TENM2: variants seen among roughly 807,000 people sequenced by gnomAD.
TENM2 encodes teneurin transmembrane protein 2.
TENM2 carries 52 observed loss-of-function variants against 245.2 expected under a neutral mutation model. The ratio of observed to expected loss-of-function variants is 0.21; its 90% CI spans 0.17 to 0.27. The LOEUF (loss-of-function observed/expected upper bound fraction) is 0.27, where lower values mean the gene tolerates loss of function less well. TENM2 is among the 10% of genes least tolerant of loss of function. The probability of loss-of-function intolerance (pLI) is 1.00; values close to 1 mark genes in which losing one functional copy is unlikely to be tolerated. For missense variants in TENM2, 3,046 were observed against 3,666.8 expected (o/e 0.83, Z 4.37); for synonymous variants, 1,363 against 1,438.9 (o/e 0.95, Z 1.19).
intron 25 of TENM2, among the ~76,000 whole-genome samples, chr5:168,240,062 A>T (rs970164775): frequency 1.3e-5 from 2 of 152,196 alleles, no homozygotes; most frequent in African/African-American, 4.8e-5. Context: ...TACTAAAAAA[A>T]TGTAAAAATT....
intron 2 of TENM2, among the ~76,000 whole-genome samples, chr5:167,515,668 T>TATACA: frequency 2.8e-5 from 1 of 35,630 alleles, no homozygotes; most frequent in Admixed American, 2.3e-4. Context: ...TACGTATATA[T>TATACA]GTGTATATAT....
At position 167,932,814 on chromosome 5, in the gene TENM2, G is replaced by A. The variant is rs904254086; in HGVS notation, c.713-19774G>A. Among the ~76,000 whole-genome samples the A allele has an allele frequency of 4.6e-5, 7 of 152,010 alleles. No homozygotes were observed. The East Asian group carries it at 7.7e-4, about 17-fold the overall frequency. On this transcript the variant is annotated intron_variant, in intron 3 of 28. Transcript: ENST00000518659. The stretch of plus-strand genomic sequence containing the variant: ...ATGTATAAAACATTCTTAGCTCGGC[G>A]GCTGAATGTGGTCCGTGGCCATCGT...
intron 2 of TENM2, among the ~76,000 whole-genome samples, chr5:167,404,435 A>G (rs746885422): frequency 2.6e-5 from 4 of 152,146 alleles, no homozygotes; most frequent in Non-Finnish European, 5.9e-5. Flanking sequence ...TGACTATCAC[A>G]TGGGTCTCAT....
chr5:167,970,511 T>C (rs929870297), intron 4 of TENM2, among the ~76,000 whole-genome samples: 4 of 152,170 alleles, frequency 2.6e-5, no homozygotes, highest in Admixed American at 2.6e-4. Context: ...AGAAGCAGTT[T>C]TGCCTTATCA....
intron 2 of TENM2, among the ~76,000 whole-genome samples, chr5:167,377,166 A>C (rs1760802704): frequency 6.6e-6 from 1 of 152,194 alleles, no homozygotes. Flanking sequence ...TTATGGATGA[A>C]AAAAATCTGA....
chr5:167,488,962 C>T (rs1198825056), intron 2 of TENM2, among the ~76,000 whole-genome samples: 1 of 152,144 alleles, frequency 6.6e-6, no homozygotes, highest in Admixed American at 6.5e-5. Context: ...CTGCCTGCCA[C>T]CACTTCATAT....
At chr5:168,188,797 A>G (rs1458316122) in intron 13 of TENM2, among the ~76,000 whole-genome samples, 1 of 151,700 alleles carries the variant, frequency 6.6e-6, no homozygotes, top group African/African-American at 2.4e-5. Flanking sequence ...CTCCCTGGGG[A>G]GATGTGGGGT....
At chr5:167,551,574 A>G (rs1360807307) in intron 2 of TENM2, among the ~76,000 whole-genome samples, 2 of 152,144 alleles carry the variant, frequency 1.3e-5, no homozygotes, top group Non-Finnish European at 2.9e-5. Context: ...CACTTAACCA[A>G]TCTCTCTATA....
intron 1 of TENM2, among the ~76,000 whole-genome samples, chr5:167,321,782 CTTA>C (rs1469723442): frequency 1.7e-5 from 1 of 59,738 alleles, no homozygotes. Context: ...GCTGCCTTGG[CTTA>C]TTTTTTTTTT....
intron 9 of TENM2, among the ~76,000 whole-genome samples, chr5:168,104,606 C>G (rs1042623714): frequency 3.3e-5 from 5 of 152,204 alleles, no homozygotes; most frequent in Admixed American, 2.6e-4. Context: ...CACACTGCGC[C>G]TCCCGTGCCC....
At chr5:167,025,045 C>G in the TENM2 span, among the ~76,000 whole-genome samples, 1 of 152,104 alleles carries the variant, frequency 6.6e-6, no homozygotes, top group Admixed American at 6.6e-5. Flanking sequence ...TATCCAGCTT[C>G]CAGTTGATTC....
At chr5:167,509,093 T>C (rs1165530802) in intron 2 of TENM2, among the ~76,000 whole-genome samples, 1 of 152,176 alleles carries the variant, frequency 6.6e-6, no homozygotes, top group Non-Finnish European at 1.5e-5. Flanking sequence ...ACTGGGATTG[T>C]AGGTGTGAGC....
intron 2 of TENM2, among the ~76,000 whole-genome samples, chr5:167,698,688 T>TTTG (rs1554102371): frequency 1.4e-5 from 2 of 142,322 alleles, no homozygotes; most frequent in African/African-American, 5.6e-5. Flanking sequence ...TGTTTTTTTT[T>TTTG]TTTTTTTTTT....
chr5:168,077,350 G>C (rs755344171), intron 7 of TENM2, among the ~76,000 whole-genome samples: 11 of 151,970 alleles, frequency 7.2e-5, no homozygotes, highest in South Asian at 2.1e-4. Flanking sequence ...AAGATCTTTA[G>C]TGAGTACCCA....
At chr5:167,944,788 A>C (rs1779476111) in intron 3 of TENM2, among the ~76,000 whole-genome samples, 1 of 152,222 alleles carries the variant, frequency 6.6e-6, no homozygotes, top group Non-Finnish European at 1.5e-5. Context: ...AATATACTAA[A>C]GTAACACTGA....
intron 19 of TENM2, among the ~76,000 whole-genome samples, chr5:168,210,893 AT>A (rs1762758406): frequency 6.6e-6 from 1 of 152,088 alleles, no homozygotes; most frequent in African/African-American, 2.4e-5. Context: ...TGGCACGTCA[AT>A]TTTCAGCCAC....
chr5:167,675,294 A>G (rs1430260625), intron 2 of TENM2, among the ~76,000 whole-genome samples: 1 of 152,110 alleles, frequency 6.6e-6, no homozygotes, highest in African/African-American at 2.4e-5. Flanking sequence ...AAATGAACCC[A>G]AGGATGTAGA....
intron 20 of TENM2, among the ~76,000 whole-genome samples, chr5:168,213,126 A>G (rs1581649254): frequency 6.6e-6 from 1 of 152,206 alleles, no homozygotes; most frequent in African/African-American, 2.4e-5. Context: ...TTTCTGCCCT[A>G]ATTTGTTTTG....
the TENM2 span, among the ~76,000 whole-genome samples, chr5:167,010,980 A>G: frequency 3.3e-5 from 5 of 152,218 alleles, no homozygotes; most frequent in African/African-American, 9.6e-5. Context: ...CCTGTTTTAT[A>G]GATGCAAAGG....
Sources: gnomAD v4.1 joint callset for allele counts (sites outside exome capture counted in the v4.1 genomes callset) on GRCh38, gnomAD v4.1.1 for gene constraint, MANE v1.5 for transcripts, NCBI Gene and HGNC (gene_info 2026-07-23, HGNC 2026-07-21) for gene names.